Variants in KIAA0513 observed in about 807,000 individuals in gnomAD.
KIAA0513 encodes the protein KIAA0513, also known as uncharacterized protein KIAA0513.
KIAA0513 carries 39 observed loss-of-function variants against 56.5 expected under a neutral mutation model. The observed-to-expected ratio is 0.69, with a 90% CI of 0.53 to 0.90. KIAA0513 has a LOEUF of 0.90. Among genes scored for constraint, KIAA0513 ranks in the 40% least tolerant of loss-of-function variants. The pLI, the probability that KIAA0513 is intolerant of heterozygous loss-of-function variation, is 0.00. For synonymous variants in KIAA0513, 268 were observed against 215.6 expected, an observed-to-expected ratio of 1.24 and a Z score of -2.13; for missense variants, 591 against 535.2, an observed-to-expected ratio of 1.10 and a Z score of -1.03.
intron 10 of KIAA0513, among the ~76,000 whole-genome samples, chr16:85,082,899 G>A (rs921820932): frequency 2.6e-5 from 4 of 152,270 alleles, no homozygotes; most frequent in African/African-American, 4.8e-5. Context: ...AGGCAAAGGC[G>A]GTGACGCCGG....
At chr16:85,052,951 C>G (rs12928521) in intron 1 of KIAA0513, among the ~76,000 whole-genome samples, 9,988 of 152,110 alleles carry the variant, frequency 0.066, 361 homozygotes, top group Middle Eastern at 0.099. Context: ...AGTGCAGTGG[C>G]ACGATCTCGG....
At chr16:85,069,193 G>C (rs182347348) in intron 2 of KIAA0513, among the ~76,000 whole-genome samples, 1 of 151,100 alleles carries the variant, frequency 6.6e-6, no homozygotes, top group Admixed American at 6.6e-5. Flanking sequence ...ACCATGCCCA[G>C]CTCATTTTTT....
intron 1 of KIAA0513, among the ~76,000 whole-genome samples, chr16:85,049,660 G>T (rs2073221367): frequency 6.6e-6 from 1 of 152,154 alleles, no homozygotes; most frequent in Admixed American, 6.5e-5. Flanking sequence ...TTAACCTTCT[G>T]CTGTGTTCAT....
chr16:85,086,620 T>C (rs1186549773), intron 10 of KIAA0513, 24 bp from the exon 11 acceptor site: 2 of 1,610,610 alleles, frequency 1.2e-6, no homozygotes, highest in African/African-American at 1.3e-5. Context: ...TGAGCCCCGC[T>C]TCTGTCACCT....
At chr16:85,043,597 G>A (rs2073132227) in intron 1 of KIAA0513, among the ~76,000 whole-genome samples, 1 of 151,830 alleles carries the variant, frequency 6.6e-6, no homozygotes, top group East Asian at 2.0e-4. Flanking sequence ...ATTCTTAGCA[G>A]GGATGAGATT....
At chr16:85,051,537 C>T (rs1189484411) in intron 1 of KIAA0513, among the ~76,000 whole-genome samples, 1 of 152,164 alleles carries the variant, frequency 6.6e-6, no homozygotes, top group Admixed American at 6.5e-5. Context: ...AGAACTGTTC[C>T]GGTTGGTGGT....
At position 85,082,427 on chromosome 16, in the gene KIAA0513, G is replaced by T. The variant is rs9807007; in HGVS notation, c.981-137G>T. 2,004 of 791,964 alleles carry T rather than the reference G, an allele frequency of 2.5e-3. 25 individuals carry two copies. The African/African-American group carries it at 0.028, about 11-fold the overall frequency. The allele number at this position is 791,964 out of a possible 1,614,324, so 49.1% of individuals were successfully genotyped here. A position where few individuals can be genotyped will look rare whatever the true frequency, so the allele number is the denominator to read the frequency against. On this transcript the variant is annotated intron_variant, in intron 9 of 12. Coordinates refer to ENST00000683363, the MANE Select transcript of KIAA0513 (RefSeq NM_001388359.1). The stretch of plus-strand genomic sequence containing the variant: ...GACTTCTAGGAAGTGAATTTATTTC[G>T]AATATTCCTGTCTTTCTCTGTCCCG...
chr16:85,080,527 C>T (rs1025433620), intron 8 of KIAA0513, among the ~76,000 whole-genome samples: 1 of 152,248 alleles, frequency 6.6e-6, no homozygotes, highest in Admixed American at 6.5e-5. Flanking sequence ...GGCACAGTGG[C>T]TCATGCCTGC....
intron 10 of KIAA0513, 114 bp downstream of exon 10, chr16:85,082,707 G>A: frequency 3.6e-6 from 4 of 1,119,846 alleles, no homozygotes; most frequent in South Asian, 1.5e-5. Context: ...CAGCCCAGAC[G>A]CAGGTGCAGC....
chr16:85,055,697 A>C (rs2073318821), intron 1 of KIAA0513, among the ~76,000 whole-genome samples: 1 of 152,220 alleles, frequency 6.6e-6, no homozygotes, highest in Non-Finnish European at 1.5e-5. Context: ...TCTGTTGCAC[A>C]GAATCCGCCA....
intron 1 of KIAA0513, among the ~76,000 whole-genome samples, chr16:85,040,715 A>G (rs1597593021): frequency 6.6e-6 from 1 of 152,150 alleles, no homozygotes; most frequent in South Asian, 2.1e-4. Flanking sequence ...TGCTTTTCCT[A>G]AAAGCACAGA....
At position 85,067,458 on chromosome 16, in the gene KIAA0513, G is replaced by A. The variant is rs567196614; in HGVS notation, c.329+58G>A. 2.9e-6 allele frequency: 4 copies of A among 1,363,470 alleles called. No homozygotes were observed. In the South Asian group the frequency reaches 4.0e-5, roughly 14 times the overall value. The allele number at this position is 1,363,470 out of a possible 1,614,324, so 84.5% of individuals were successfully genotyped here. On this transcript the variant is annotated intron_variant, in intron 2 of 12. Transcript: ENST00000683363. ...GTGGCCACAGGGCCCAAGGGGACTC[G>A]CCTCCTGCTCTCGGCTCTGCCTCTC...
At chr16:85,044,813 C>T (rs989151365) in intron 1 of KIAA0513, among the ~76,000 whole-genome samples, 5 of 151,776 alleles carry the variant, frequency 3.3e-5, no homozygotes, top group African/African-American at 4.8e-5. Flanking sequence ...GGCAGTAATG[C>T]TCCTCTTAAG....
chr16:85,043,092 C>G (rs2073125062), intron 1 of KIAA0513, among the ~76,000 whole-genome samples: 1 of 152,098 alleles, frequency 6.6e-6, no homozygotes, highest in Admixed American at 6.5e-5. Flanking sequence ...CAGGCACAAA[C>G]CGAAATACAA....
rs971391270 is a variant in KIAA0513 at position 85,076,284 on chromosome 16, A to G, written c.574+370A>G. 6.6e-6 allele frequency among the ~76,000 whole-genome samples: 1 copy of G among 152,184 alleles called. No individual in the cohort carries two copies. The highest frequency in any genetic ancestry group is 2.4e-5 in the African/African-American group (1 of 41,448). On this transcript the variant is annotated intron_variant, in intron 5 of 12. Coordinates refer to ENST00000683363, the MANE Select transcript of KIAA0513 (RefSeq NM_001388359.1). The surrounding 1 kb of genome is among the most constrained non-coding windows in gnomAD (Gnocchi z 4.7). ...ATGTTTTACCAAAACAAGACGACAC[A>G]GTTGGTTGTTGGAGGGTGGTGGGGA...
At chr16:85,047,671 A>G (rs574204744) in intron 1 of KIAA0513, among the ~76,000 whole-genome samples, 67 of 152,294 alleles carry the variant, frequency 4.4e-4, no homozygotes, top group African/African-American at 1.6e-3. Context: ...CCAGAGAGAC[A>G]GGGAGAAAGG....
chr16:85,086,250 C>G (rs796227715), intron 10 of KIAA0513, among the ~76,000 whole-genome samples: 1 of 152,218 alleles, frequency 6.6e-6, no homozygotes, highest in African/African-American at 2.4e-5. Context: ...TGGGCAGGTC[C>G]CCTCCCTCTC....
chr16:85,078,916 C>A lies in KIAA0513; in HGVS notation c.824-9C>A. On this transcript the variant is annotated splice_polypyrimidine_tract_variant and intron_variant, in intron 7 of 12. Coordinates refer to ENST00000683363, the MANE Select transcript of KIAA0513 (RefSeq NM_001388359.1). ...GAGCTGCTTTCAGCCATTCTCTCTC[C>A]TCCCACAGTGACCGCGTACAGCCCC... 6.2e-7 allele frequency: 1 copy of A among 1,614,116 alleles called. No individual in the cohort carries two copies. Among genetic ancestry groups the A allele is most frequent in the Non-Finnish European group, 8.5e-7 (1 of 1,179,994 alleles).
chr16:85,041,865 C>T (rs1205054256), intron 1 of KIAA0513, among the ~76,000 whole-genome samples: 5 of 152,282 alleles, frequency 3.3e-5, no homozygotes, highest in Middle Eastern at 3.4e-3. Context: ...GGGGATACAG[C>T]TTCACCTTGT....
Sources: allele counts gnomAD v4.1 joint callset (sites outside exome capture counted in the v4.1 genomes callset), GRCh38; gene constraint gnomAD v4.1.1; non-coding constraint Gnocchi (gnomAD v3.1); transcripts MANE v1.5; gene names NCBI Gene and HGNC (gene_info 2026-07-23, HGNC 2026-07-21).